Variants in SLC45A4 observed in about 807,000 individuals in gnomAD.
The protein encoded by SLC45A4 is solute carrier family 45 member 4, also known as polyamine-transporter SLC45A4.
In SLC45A4, 32 loss-of-function variants were observed where a neutral mutation model predicts 63.7. That is an observed-to-expected ratio of 0.50 (90% CI 0.38 to 0.67). The LOEUF is 0.67. SLC45A4 is among the 30% of genes least tolerant of loss of function. The pLI, the probability that SLC45A4 is intolerant of heterozygous loss-of-function variation, is 0.00. For missense variants in SLC45A4, 1,027 were observed against 1,157.7 expected (o/e 0.89, Z 1.64); for synonymous variants, 535 against 510.0 (o/e 1.05, Z -0.66).
rs942616965 is a variant in SLC45A4 at position 141,212,284 on chromosome 8, G to A, written c.2214C>T (p.Gly738=). The stretch of plus-strand genomic sequence containing the variant: ...GCTTTTCGCTGTTCCCACCGGCCCT[G>A]CCTTCGCCGGCCAACGGGGAAGACA... ...KGLSSPLAGE[G]RAGGNSEKPT... Residue 738 remains glycine, a synonymous_variant, in exon 8 of 9, where the codon GGC becomes GGT. Transcript: ENST00000517878. 6 of 1,606,174 alleles carry A rather than the reference G, an allele frequency of 3.7e-6. No homozygotes were observed. The highest frequency in any genetic ancestry group is 5.1e-6 in the Non-Finnish European group (6 of 1,175,128).
In SLC45A4 at chr8:141,274,248, T is replaced by C. The variant is rs113987149; in HGVS notation, c.-400-19619A>G. Among the ~76,000 whole-genome samples, 1,036 of 148,424 alleles carry C rather than the reference T, an allele frequency of 7.0e-3. 10 individuals carry two copies. The highest frequency in any genetic ancestry group is 0.024 in the African/African-American group (968 of 40,096). On this transcript the variant is annotated intron_variant, in intron 1 of 8. Coordinates refer to ENST00000517878, the MANE Select transcript of SLC45A4 (RefSeq NM_001286646.2). The stretch of plus-strand genomic sequence containing the variant: ...AGTCTCAAACAAACAAAATGTAAAG[T>C]TTGGGCCAGGTGTGGTAGCTCACGC...
intron 1 of SLC45A4, among the ~76,000 whole-genome samples, chr8:141,269,702 T>C (rs563875126): frequency 7.0e-6 from 1 of 143,314 alleles, no homozygotes; most frequent in East Asian, 1.9e-4. Flanking sequence ...TGTCTGTGTC[T>C]GTGTGTGTCT....
chr8:141,216,970 G>T, intron 6 of SLC45A4, 120 bp downstream of exon 6: 1 of 977,600 alleles, frequency 1.0e-6, no homozygotes, highest in Non-Finnish European at 1.5e-6. Context: ...TGTTTTGAGG[G>T]ACCCAGAAGT....
Position 141,211,408 on chromosome 8 carries a change from C to T in SLC45A4, c.*164G>A, listed in dbSNP as rs200863245. 3.0e-5 allele frequency: 46 copies of T among 1,540,036 alleles called. No individual in the cohort carries two copies. The highest frequency in any genetic ancestry group is 3.7e-5 in the Non-Finnish European group (42 of 1,145,238). ...GCCCCCAGGTGGTGCCCAGCCCATCCCTGGGCAGGGTGTCTGGGAGCCACC... is the reference window on the plus strand; with the variant it reads ...GCCCCCAGGTGGTGCCCAGCCCATCTCTGGGCAGGGTGTCTGGGAGCCACC... On this transcript the variant is annotated 3_prime_UTR_variant, in exon 9 of 9. Transcript: ENST00000517878.
At chr8:141,295,668 G>A (rs547317318) in intron 1 of SLC45A4, among the ~76,000 whole-genome samples, 3 of 152,322 alleles carry the variant, frequency 2.0e-5, no homozygotes, top group Non-Finnish European at 2.9e-5. Context: ...ACTGCCCCAC[G>A]GCAGCACTGA....
In SLC45A4 at chr8:141,278,900, G is replaced by T. The variant is rs1829835405; in HGVS notation, c.-400-24271C>A. On this transcript the variant is annotated intron_variant, in intron 1 of 8. Coordinates refer to ENST00000517878, the MANE Select transcript of SLC45A4 (RefSeq NM_001286646.2). The surrounding 1 kb of genome is among the most constrained non-coding windows in gnomAD (Gnocchi z 4.1). ...CACTGCCAGGCTGCTGGGGGCCAGG[G>T]CTCCAGCCTCCAGGGCAGCACACCT... 2.6e-5 allele frequency among the ~76,000 whole-genome samples: 4 copies of T among 152,324 alleles called. No individual in the cohort carries two copies. The South Asian group carries it at 8.3e-4, about 32-fold the overall frequency.
At position 141,215,521 on chromosome 8, in the gene SLC45A4, C is replaced by T. The variant is rs1221932824; in HGVS notation, c.1941+238G>A. 6.6e-6 allele frequency among the ~76,000 whole-genome samples: 1 copy of T among 152,014 alleles called. No homozygotes were observed. The highest frequency in any genetic ancestry group is 2.4e-5 in the African/African-American group (1 of 41,342). Reference sequence around the variant, plus strand: ...GGGACAGTGCTTTTGCCTCCAGAAGCCTCTGGAGGTGCTAGGGGGGTGGGG... The same window carrying T: ...GGGACAGTGCTTTTGCCTCCAGAAGTCTCTGGAGGTGCTAGGGGGGTGGGG... On this transcript the variant is annotated intron_variant, in intron 7 of 8. Coordinates refer to ENST00000517878, the MANE Select transcript of SLC45A4 (RefSeq NM_001286646.2). The surrounding 1 kb of genome is among the most constrained non-coding windows in gnomAD (Gnocchi z 4.3).
chr8:141,216,278 C>T (rs1025635086), intron 6 of SLC45A4, among the ~76,000 whole-genome samples: 2 of 152,272 alleles, frequency 1.3e-5, no homozygotes, highest in East Asian at 1.9e-4. Context: ...AATCTGGGCC[C>T]GCTCAGTGGC....
At chr8:141,259,148 G>A (rs1828941396) in intron 1 of SLC45A4, among the ~76,000 whole-genome samples, 1 of 152,208 alleles carries the variant, frequency 6.6e-6, no homozygotes, top group South Asian at 2.1e-4. Flanking sequence ...CTTCCAAAGA[G>A]AAGATGAAAA....
intron 1 of SLC45A4, among the ~76,000 whole-genome samples, chr8:141,282,230 AG>A (rs985967089): frequency 4.3e-4 from 66 of 152,158 alleles, no homozygotes; most frequent in Non-Finnish European, 4.9e-4. Context: ...CGGGAGGCCA[AG>A]GGGGGGCCCT....
At chr8:141,257,051 A>G (rs1045315707) in intron 1 of SLC45A4, among the ~76,000 whole-genome samples, 6 of 152,100 alleles carry the variant, frequency 3.9e-5, no homozygotes, top group Non-Finnish European at 7.4e-5. Context: ...ACAGGGTTTC[A>G]CCATGTTGGC....
intron 1 of SLC45A4, among the ~76,000 whole-genome samples, chr8:141,283,333 T>C (rs943744293): frequency 1.1e-4 from 16 of 152,224 alleles, no homozygotes; most frequent in African/African-American, 3.6e-4. Context: ...CCAGTGGCAG[T>C]GCCTGGCCTC....
At chr8:141,266,705 T>C (rs1829282121) in intron 1 of SLC45A4, among the ~76,000 whole-genome samples, 1 of 152,166 alleles carries the variant, frequency 6.6e-6, no homozygotes, top group East Asian at 1.9e-4. Context: ...AAAGAGTCCT[T>C]AAAACTCAAC....
chr8:141,222,309 T>A (rs996574556), intron 2 of SLC45A4, among the ~76,000 whole-genome samples: 36 of 152,214 alleles, frequency 2.4e-4, no homozygotes, highest in Admixed American at 2.0e-3. Context: ...CTGCAGAGGG[T>A]CCCCACAGCC....
chr8:141,216,622 A>G (rs1197249840), intron 6 of SLC45A4, among the ~76,000 whole-genome samples: 1 of 152,016 alleles, frequency 6.6e-6, no homozygotes, highest in African/African-American at 2.4e-5. Flanking sequence ...CCCGATTCAC[A>G]CTCGGCTCAG....
At chr8:141,253,300 TG>T (rs1301423153) in intron 2 of SLC45A4, 2 of 190,562 alleles carry the variant, frequency 1.0e-5, no homozygotes, top group South Asian at 6.6e-5. Context: ...TGCGTGTGTC[TG>T]TGAATTTCTG....
At chr8:141,265,712 T>A (rs1027135981) in intron 1 of SLC45A4, among the ~76,000 whole-genome samples, 1 of 152,216 alleles carries the variant, frequency 6.6e-6, no homozygotes. Context: ...TCGCCTCAGC[T>A]GCTTAAAATG....
At chr8:141,258,211 C>T (rs140488677) in intron 1 of SLC45A4, among the ~76,000 whole-genome samples, 14 of 152,198 alleles carry the variant, frequency 9.2e-5, no homozygotes, top group East Asian at 3.9e-4. Context: ...GTCAGGAAGT[C>T]GCCAGAGTCT....
At chr8:141,296,515 A>T (rs201902141) in intron 1 of SLC45A4, among the ~76,000 whole-genome samples, 11,473 of 127,520 alleles carry the variant, frequency 0.09, 894 homozygotes, top group East Asian at 0.38. Context: ...AAAAAAAAAA[A>T]AAAATTAAAA....
Sources: allele counts gnomAD v4.1 joint callset (sites outside exome capture counted in the v4.1 genomes callset), GRCh38; gene constraint gnomAD v4.1.1; non-coding constraint Gnocchi (gnomAD v3.1); transcripts MANE v1.5; gene names NCBI Gene and HGNC (gene_info 2026-07-23, HGNC 2026-07-21).